Variants in CD96 observed in about 807,000 individuals in gnomAD.
CD96 encodes CD96 molecule.
A neutral mutation model predicts 71.3 loss-of-function variants in CD96; 70 were observed. The ratio of observed to expected loss-of-function variants is 0.98; its 90% CI spans 0.81 to 1.20. The LOEUF is 1.20. Among genes scored for constraint, CD96 ranks in the 50% most tolerant of loss-of-function variants. CD96 has a pLI of 0.00. For synonymous variants in CD96, 248 were observed against 233.0 expected, an observed-to-expected ratio of 1.06 and a Z score of -0.59; for missense variants, 742 against 677.5, an observed-to-expected ratio of 1.10 and a Z score of -1.06.
intron 14 of CD96, among the ~76,000 whole-genome samples, chr3:111,662,065 C>G (rs1940372478): frequency 6.6e-6 from 1 of 152,242 alleles, no homozygotes; most frequent in Non-Finnish European, 1.5e-5. Flanking sequence ...AACCTTAACT[C>G]TTACCTTCTA....
At chr3:111,640,315 T>C (rs1227259306) in intron 12 of CD96, among the ~76,000 whole-genome samples, 1 of 152,142 alleles carries the variant, frequency 6.6e-6, no homozygotes, top group Admixed American at 6.5e-5. Flanking sequence ...TCAGGAAACT[T>C]TAGACACACT....
chr3:111,653,057 T>G (rs1576439763), downstream of CD96, among the ~76,000 whole-genome samples: 1 of 152,328 alleles, frequency 6.6e-6, no homozygotes, highest in East Asian at 1.9e-4. Flanking sequence ...CCAGGAGAAC[T>G]CCTCAGCTTG....
At chr3:111,665,499 A>G (rs1205974654) in intron 14 of CD96, 1 of 152,110 alleles carries the variant, frequency 6.6e-6, no homozygotes, top group East Asian at 1.9e-4. Flanking sequence ...CTGTTTTTAT[A>G]TCATTTCTGG....
At chr3:111,564,438 TA>T (rs1421138798) in intron 2 of CD96, among the ~76,000 whole-genome samples, 1 of 152,004 alleles carries the variant, frequency 6.6e-6, no homozygotes, top group Non-Finnish European at 1.5e-5. Context: ...GGTTTCATTC[TA>T]ATTTTGTCTT....
At chr3:111,622,761 T>C (rs989833223) in intron 8 of CD96, among the ~76,000 whole-genome samples, 3 of 152,238 alleles carry the variant, frequency 2.0e-5, no homozygotes, top group Admixed American at 2.0e-4. Context: ...AAAAGTTTCT[T>C]TTTAATCACA....
intron 7 of CD96, among the ~76,000 whole-genome samples, chr3:111,604,033 T>A (rs1456822486): frequency 6.6e-6 from 1 of 152,208 alleles, no homozygotes; most frequent in Non-Finnish European, 1.5e-5. Flanking sequence ...AGATTCTGCA[T>A]TTGTAAAAAG....
downstream of CD96, among the ~76,000 whole-genome samples, chr3:111,657,123 A>C (rs1407754937): frequency 6.6e-6 from 1 of 152,028 alleles, no homozygotes; most frequent in African/African-American, 2.4e-5. Flanking sequence ...CAGGTGGATT[A>C]GTTTTTAGGA....
chr3:111,600,713 A>G lies in CD96; in HGVS notation c.899-13A>G, dbSNP rs534574267. Reference sequence around the variant, plus strand: ...AATGTTAGTGTTGAACCATGTTCGTATCTGTCTGGCAGGAATATATATTAC... The same window carrying G: ...AATGTTAGTGTTGAACCATGTTCGTGTCTGTCTGGCAGGAATATATATTAC... On this transcript the variant is annotated splice_polypyrimidine_tract_variant and intron_variant, in intron 6 of 13. Transcript: ENST00000352690. 3.2e-5 allele frequency: 51 copies of G among 1,590,268 alleles called. No individual in the cohort carries two copies. Among genetic ancestry groups the G allele is most frequent in the Non-Finnish European group, 4.4e-5 (51 of 1,158,488 alleles).
chr3:111,650,308 T>C lies in CD96; in HGVS notation c.*502T>C, dbSNP rs1940019014. 2 of 174,080 alleles carry C rather than the reference T, an allele frequency of 1.1e-5. No individual in the cohort carries two copies. The highest frequency in any genetic ancestry group is 2.4e-5 in the African/African-American group (1 of 42,146). The allele number at this position is 174,080 out of a possible 1,614,324, so 10.8% of individuals were successfully genotyped here. A position where few individuals can be genotyped will look rare whatever the true frequency, so the allele number is the denominator to read the frequency against. ...AATGGAGAAGTATGGTTAGTCTTCA[T>C]ATTGAAATTCTGTTGCTTATTTTCA... is the stretch of plus-strand genomic sequence containing the variant. On this transcript the variant is annotated 3_prime_UTR_variant, in exon 14 of 14. Coordinates refer to ENST00000352690, the MANE Select transcript of CD96 (RefSeq NM_005816.5).
At chr3:111,566,341 G>A (rs1479040421) in intron 2 of CD96, among the ~76,000 whole-genome samples, 1 of 151,944 alleles carries the variant, frequency 6.6e-6, no homozygotes, top group Admixed American at 6.6e-5. Context: ...TTAAAATAAA[G>A]TAAAAAGTCC....
intron 3 of CD96, chr3:111,571,108 A>G (rs976520597): frequency 6.1e-5 from 46 of 751,334 alleles, no homozygotes; most frequent in Non-Finnish European, 1.0e-4. Flanking sequence ...CATCCCTCTG[A>G]ATCCAGGGTT....
intron 3 of CD96, among the ~76,000 whole-genome samples, chr3:111,573,114 G>A (rs1184729866): frequency 6.6e-6 from 1 of 152,228 alleles, no homozygotes; most frequent in Non-Finnish European, 1.5e-5. Flanking sequence ...ATGGGATGCA[G>A]TTGGAAGCTG....
intron 2 of CD96, among the ~76,000 whole-genome samples, chr3:111,546,682 GA>G (rs552607751): frequency 1.2e-3 from 181 of 150,768 alleles, no homozygotes; most frequent in African/African-American, 4.1e-3. Flanking sequence ...GGTAATATAA[GA>G]AAAAAAAATA....
intron 10 of CD96, among the ~76,000 whole-genome samples, chr3:111,629,611 G>A (rs1031389127): frequency 2.0e-5 from 3 of 151,974 alleles, no homozygotes; most frequent in Non-Finnish European, 4.4e-5. Context: ...GATCATCAAG[G>A]CAAAAATCAA....
intron 2 of CD96, among the ~76,000 whole-genome samples, chr3:111,557,568 T>C (rs1268305544): frequency 7.9e-6 from 1 of 126,502 alleles, no homozygotes; most frequent in Non-Finnish European, 1.6e-5. Flanking sequence ...GATCTATATC[T>C]CTGTTTTGGT....
chr3:111,578,135 C>A (rs1936301736), intron 3 of CD96, among the ~76,000 whole-genome samples: 1 of 152,120 alleles, frequency 6.6e-6, no homozygotes, highest in South Asian at 2.1e-4. Flanking sequence ...AAGACCTAAC[C>A]CATCCTCTAC....
At chr3:111,619,107 A>G (rs992509005) in intron 8 of CD96, among the ~76,000 whole-genome samples, 1 of 152,154 alleles carries the variant, frequency 6.6e-6, no homozygotes, top group African/African-American at 2.4e-5. Flanking sequence ...TGGCAAGAGT[A>G]TAGGTTAAGA....
intron 3 of CD96, among the ~76,000 whole-genome samples, chr3:111,568,770 A>G (rs550331550): frequency 2.6e-5 from 4 of 152,342 alleles, no homozygotes; most frequent in Admixed American, 2.0e-4. Flanking sequence ...AATAAATATG[A>G]AAGAATTGTG....
chr3:111,656,848 GGA>G (rs1423123652), downstream of CD96, among the ~76,000 whole-genome samples: 5 of 152,040 alleles, frequency 3.3e-5, no homozygotes, highest in Non-Finnish European at 5.9e-5. Flanking sequence ...AAAAGGAACA[GGA>G]GAGATAAATC....
Sources: gnomAD v4.1 joint callset for allele counts (sites outside exome capture counted in the v4.1 genomes callset) on GRCh38, gnomAD v4.1.1 for gene constraint, MANE v1.5 for transcripts, NCBI Gene and HGNC (gene_info 2026-07-23, HGNC 2026-07-21) for gene names.